The following GALNT18 variants were observed in gnomAD, a reference collection of about 807,000 sequenced individuals.
GALNT18 encodes the protein GalNAc-transferase 18.
Under a neutral mutation model 69.5 loss-of-function variants are expected in GALNT18, and 44 were observed. That is an observed-to-expected ratio of 0.63 (90% CI 0.50 to 0.81). The LOEUF (loss-of-function observed/expected upper bound fraction) is 0.81. Ranked by LOEUF, GALNT18 falls within the 40% of genes least tolerant of loss-of-function variation. The pLI, the probability that GALNT18 is intolerant of heterozygous loss-of-function variation, is 0.00. For synonymous variants in GALNT18, 364 were observed against 318.2 expected, an observed-to-expected ratio of 1.14 and a Z score of -1.53; for missense variants, 715 against 810.0, an observed-to-expected ratio of 0.88 and a Z score of 1.42.
Position 11,383,578 on chromosome 11 carries a change from TC to T in GALNT18, c.596-4315del, listed in dbSNP as rs757330130. On this transcript the variant is annotated intron_variant, in intron 3 of 10. Coordinates refer to ENST00000227756, the MANE Select transcript of GALNT18 (RefSeq NM_198516.3). This position sits in a 1 kb window ranked among gnomAD's most constrained non-coding sequence, Gnocchi z 5.2. ...GTTCAGATGAGCATTTCCCACATCT[TC>T]TCTAGGTTTTGGGGACATAGAAATG... is the stretch of plus-strand genomic sequence containing the variant. 6.6e-6 allele frequency among the ~76,000 whole-genome samples: 1 copy of T among 152,164 alleles called. No individual in the cohort carries two copies. The highest frequency in any genetic ancestry group is 1.5e-5 in the Non-Finnish European group (1 of 68,040).
chr11:11,371,637 T>C (rs1448641870), intron 6 of GALNT18, among the ~76,000 whole-genome samples: 1 of 148,682 alleles, frequency 6.7e-6, no homozygotes, highest in Non-Finnish European at 1.5e-5. Context: ...GTGGGGGCCA[T>C]CGTGGGGAGG....
Position 11,621,737 on chromosome 11 carries a change from C to T in GALNT18, c.-144G>A. 1.6e-6 allele frequency: 1 copy of T among 631,092 alleles called. No individual in the cohort carries two copies. Among genetic ancestry groups the T allele is most frequent in the Admixed American group, 2.9e-5 (1 of 34,374 alleles). The allele number at this position is 631,092 out of a possible 1,614,324, so 39.1% of individuals were successfully genotyped here. The stretch of plus-strand genomic sequence containing the variant: ...TCCCGAGGTTCTCCAAAGCCCGGTC[C>T]GCTGCCGGTGTAGCCGCCGTGCCCA... On this transcript the variant is annotated 5_prime_UTR_variant, in exon 1 of 11. Transcript: ENST00000227756. The surrounding 1 kb of genome is among the most constrained non-coding windows in gnomAD (Gnocchi z 9.3).
intron 1 of GALNT18, among the ~76,000 whole-genome samples, chr11:11,524,201 A>C (rs1248487310): frequency 6.6e-6 from 1 of 152,214 alleles, no homozygotes; most frequent in African/African-American, 2.4e-5. Context: ...CCCAAACATA[A>C]GAAGTGGGCT....
chr11:11,502,862 G>A lies in GALNT18; in HGVS notation c.236-53926C>T, dbSNP rs548161893. ...CCAGCTCCAGTCCTTAACGCTCTCC[G>A]AATGAAGGGCACTTTCCAGCCCAAG... On this transcript the variant is annotated intron_variant, in intron 1 of 10. Coordinates refer to ENST00000227756, the MANE Select transcript of GALNT18 (RefSeq NM_198516.3). Among the ~76,000 whole-genome samples the A allele has an allele frequency of 9.9e-5, 15 of 152,208 alleles. No individual in the cohort carries two copies. The South Asian group carries it at 2.1e-3, about 21-fold the overall frequency.
intron 1 of GALNT18, among the ~76,000 whole-genome samples, chr11:11,474,670 G>A (rs1856349565): frequency 6.6e-6 from 1 of 152,116 alleles, no homozygotes; most frequent in African/African-American, 2.4e-5. Flanking sequence ...AAGTAAAGGT[G>A]GATTCATTCA....
chr11:11,326,781 C>G (rs547455268), intron 9 of GALNT18, among the ~76,000 whole-genome samples: 1 of 152,244 alleles, frequency 6.6e-6, no homozygotes, highest in South Asian at 2.1e-4. Flanking sequence ...TGTGATGTAC[C>G]CATAGTTTCC....
intron 1 of GALNT18, among the ~76,000 whole-genome samples, chr11:11,559,784 G>A (rs1858426913): frequency 1.3e-5 from 2 of 152,016 alleles, no homozygotes; most frequent in Admixed American, 1.3e-4. Flanking sequence ...GGGATATGAT[G>A]GGATAGGATG....
intron 1 of GALNT18, among the ~76,000 whole-genome samples, chr11:11,589,725 G>A (rs1859308669): frequency 6.6e-6 from 1 of 152,166 alleles, no homozygotes; most frequent in Non-Finnish European, 1.5e-5. Flanking sequence ...GAGCCACTGA[G>A]CACCACATAA....
chr11:11,371,080 A>G (rs574242915), intron 6 of GALNT18, among the ~76,000 whole-genome samples: 177 of 152,314 alleles, frequency 1.2e-3, no homozygotes, highest in African/African-American at 4.0e-3. Flanking sequence ...CTGCTTCCAA[A>G]GCAATTTCTC....
chr11:11,526,526 C>A (rs1857529856), intron 1 of GALNT18, among the ~76,000 whole-genome samples: 1 of 152,046 alleles, frequency 6.6e-6, no homozygotes, highest in African/African-American at 2.4e-5. Context: ...AAATATATTT[C>A]TTTTAAAAAT....
intron 1 of GALNT18, among the ~76,000 whole-genome samples, chr11:11,520,952 C>G (rs145691192): frequency 6.6e-6 from 1 of 152,062 alleles, no homozygotes; most frequent in Non-Finnish European, 1.5e-5. Context: ...CAGGGTCCAC[C>G]GTAGGGAGCC....
rs1432138345 is a variant in GALNT18, at chr11:11,309,756, A to G, written c.1513-16563T>C. Among the ~76,000 whole-genome samples, 1 of 152,036 alleles carries G rather than the reference A, an allele frequency of 6.6e-6. No individual in the cohort carries two copies. Among genetic ancestry groups the G allele is most frequent in the Non-Finnish European group, 1.5e-5 (1 of 68,000 alleles). The stretch of plus-strand genomic sequence containing the variant: ...CCACTTTCACTCTGCAGGGTTTCTA[A>G]ACCTTCTCCATTCTCTCACATACCC... On this transcript the variant is annotated intron_variant, in intron 9 of 10. Transcript: ENST00000227756. The surrounding 1 kb of genome is among the most constrained non-coding windows in gnomAD (Gnocchi z 4.6).
Position 11,591,151 on chromosome 11 carries a change from T to A in GALNT18, c.235+30208A>T, listed in dbSNP as rs1322426094. Among the ~76,000 whole-genome samples the A allele has an allele frequency of 8.1e-6, 1 of 123,182 alleles. No individual in the cohort carries two copies. Among genetic ancestry groups the A allele is most frequent in the Non-Finnish European group, 1.7e-5 (1 of 58,246 alleles). The allele number at this position is 123,182 out of a possible 152,430, so 80.8% of individuals were successfully genotyped here. A position where few individuals can be genotyped will look rare whatever the true frequency, so the allele number is the denominator to read the frequency against. ...ATTGATGATGCTGACTCTGTAGGCC[T>A]AGGCTACCGTGTGTGTGTGTGTGTG... On this transcript the variant is annotated intron_variant, in intron 1 of 10. Coordinates refer to ENST00000227756, the MANE Select transcript of GALNT18 (RefSeq NM_198516.3). This position sits in a 1 kb window ranked among gnomAD's most constrained non-coding sequence, Gnocchi z 4.8.
At chr11:11,528,753 G>T (rs2133938581) in intron 1 of GALNT18, among the ~76,000 whole-genome samples, 1 of 152,300 alleles carries the variant, frequency 6.6e-6, no homozygotes, top group East Asian at 1.9e-4. Context: ...AAAAGTGATA[G>T]ATTTGAGAAT....
At chr11:11,460,856 C>G (rs1225316069) in intron 1 of GALNT18, among the ~76,000 whole-genome samples, 4 of 152,152 alleles carry the variant, frequency 2.6e-5, no homozygotes, top group African/African-American at 9.7e-5. Context: ...ATTCAGAACC[C>G]TCTGAGAAAA....
At position 11,382,892 on chromosome 11, in the gene GALNT18, G is replaced by A. The variant is rs1308348442; in HGVS notation, c.596-3628C>T. Among the ~76,000 whole-genome samples the A allele has an allele frequency of 1.3e-5, 2 of 152,136 alleles. No homozygotes were observed. The highest frequency in any genetic ancestry group is 2.9e-5 in the Non-Finnish European group (2 of 68,028). ...TTTTAATGCGTTGGAGAAAGAGGAG[G>A]CAGGGAGTCTGCTTGCTGTGACTCT... On this transcript the variant is annotated intron_variant, in intron 3 of 10. Coordinates refer to ENST00000227756, the MANE Select transcript of GALNT18 (RefSeq NM_198516.3). The surrounding 1 kb of genome is among the most constrained non-coding windows in gnomAD (Gnocchi z 4.3).
chr11:11,565,929 G>A lies in GALNT18; in HGVS notation c.235+55430C>T, dbSNP rs74472568. 6.5e-3 allele frequency among the ~76,000 whole-genome samples: 988 copies of A among 152,242 alleles called. 12 individuals carry two copies. Among genetic ancestry groups the A allele is most frequent in the African/African-American group, 0.023 (941 of 41,552 alleles). The stretch of plus-strand genomic sequence containing the variant: ...AGAAGTGTTTTGAGCAAAGGAAACC[G>A]CAGGAACAAAGAACAAGGATATGGC... On this transcript the variant is annotated intron_variant, in intron 1 of 10. Transcript: ENST00000227756.
chr11:11,514,828 G>C (rs111698155), intron 1 of GALNT18, among the ~76,000 whole-genome samples: 1 of 152,176 alleles, frequency 6.6e-6, no homozygotes, highest in Non-Finnish European at 1.5e-5. Context: ...GCCTAAGAAG[G>C]TCCCAAGAGT....
intron 3 of GALNT18, among the ~76,000 whole-genome samples, chr11:11,379,763 C>T (rs1315155529): frequency 1.3e-5 from 2 of 152,240 alleles, no homozygotes; most frequent in African/African-American, 2.4e-5. Flanking sequence ...CGCTCTCTGC[C>T]TGGATCTCCA....
Sources: allele counts gnomAD v4.1 joint callset (sites outside exome capture counted in the v4.1 genomes callset), GRCh38; gene constraint gnomAD v4.1.1; non-coding constraint Gnocchi (gnomAD v3.1); transcripts MANE v1.5; gene names NCBI Gene and HGNC (gene_info 2026-07-23, HGNC 2026-07-21).